The following PLAGL1 variants were observed in gnomAD, a reference collection of about 807,000 sequenced individuals.
PLAGL1 encodes PLAG1 like zinc finger 1.
Under a neutral mutation model 4.6 loss-of-function variants are expected in PLAGL1, and 1 was observed. That is an observed-to-expected ratio of 0.22 (90% CI 0.08 to 1.03). PLAGL1 has a LOEUF of 1.03. Among genes scored for constraint, PLAGL1 ranks in the 50% least tolerant of loss-of-function variants. The pLI, the probability that PLAGL1 is intolerant of heterozygous loss-of-function variation, is 0.58. For synonymous variants in PLAGL1, 240 were observed against 237.8 expected, an observed-to-expected ratio of 1.01 and a Z score of -0.08; for missense variants, 464 against 570.4, an observed-to-expected ratio of 0.81 and a Z score of 1.90.
chr6:144,031,306 C>T (rs2180243), intron 1 of PLAGL1, among the ~76,000 whole-genome samples: 134,095 of 152,294 alleles, frequency 0.88, 59,168 homozygotes, highest in Non-Finnish European at 0.91. Context: ...GGTTGTCTGT[C>T]AACTCTGCTA....
chr6:144,044,241 G>T (rs1797956487), intron 1 of PLAGL1, among the ~76,000 whole-genome samples: 1 of 151,984 alleles, frequency 6.6e-6, no homozygotes, highest in Admixed American at 6.6e-5. Flanking sequence ...GTTTGCTCTT[G>T]CTTCTCTAAT....
At chr6:144,031,862 G>C (rs1451144894) in intron 1 of PLAGL1, among the ~76,000 whole-genome samples, 1 of 151,990 alleles carries the variant, frequency 6.6e-6, no homozygotes, top group Non-Finnish European at 1.5e-5. Context: ...TGAATTTTAG[G>C]ATTGTTTTTT....
chr6:143,957,627 G>A lies in PLAGL1; in HGVS notation c.-325+2842C>T, dbSNP rs1782431921. 6.6e-6 allele frequency among the ~76,000 whole-genome samples: 1 copy of A among 152,176 alleles called. No individual in the cohort carries two copies. The highest frequency in any genetic ancestry group is 2.4e-5 in the African/African-American group (1 of 41,434). On this transcript the variant is annotated intron_variant, in intron 6 of 7. Coordinates refer to ENST00000674357, the MANE Select transcript of PLAGL1 (RefSeq NM_001317162.2). The surrounding 1 kb of genome is among the most constrained non-coding windows in gnomAD (Gnocchi z 4.2). ...GAAAGAAAAGCCTCTTTCTTTCTCA[G>A]GAAGTGTGTGAGGATATAGGCTCAC... is the stretch of plus-strand genomic sequence containing the variant.
In PLAGL1 at chr6:144,034,234, G is replaced by C. The variant is rs1338558151; in HGVS notation, c.-151+30234C>G. ...CCCTCCTGGGGTGCCTCATTCCAGG[G>C]CTCTTCCATCTTTCTCTAGCTGCCA... On this transcript the variant is annotated intron_variant, in intron 1 of 3. Transcript: ENST00000437412. The surrounding 1 kb of genome is among the most constrained non-coding windows in gnomAD (Gnocchi z 4.7). 6.6e-6 allele frequency among the ~76,000 whole-genome samples: 1 copy of C among 152,060 alleles called. No individual in the cohort carries two copies. The highest frequency in any genetic ancestry group is 1.5e-5 in the Non-Finnish European group (1 of 68,000).
intron 2 of PLAGL1, among the ~76,000 whole-genome samples, chr6:143,980,051 T>C (rs1787569180): frequency 6.6e-6 from 1 of 152,126 alleles, no homozygotes; most frequent in East Asian, 1.9e-4. Flanking sequence ...TTCCACTGTC[T>C]TCTGGATTAC....
chr6:144,029,225 C>T (rs1467934649), intron 1 of PLAGL1, among the ~76,000 whole-genome samples: 1 of 152,102 alleles, frequency 6.6e-6, no homozygotes, highest in East Asian at 1.9e-4. Context: ...TATTTTAAAT[C>T]ATCTCCTGTG....
rs1035267178 is a variant in PLAGL1 at position 143,950,361 on chromosome 6, G to C, written c.-324-1901C>G. Among the ~76,000 whole-genome samples the C allele has an allele frequency of 6.6e-6, 1 of 152,070 alleles. No homozygotes were observed. The highest frequency in any genetic ancestry group is 1.5e-5 in the Non-Finnish European group (1 of 68,008). On this transcript the variant is annotated intron_variant, in intron 6 of 7. Transcript: ENST00000674357. This position sits in a 1 kb window ranked among gnomAD's most constrained non-coding sequence, Gnocchi z 6.3. ...TAGTTCATGCCTGAGGCCCTATCTT[G>C]AGGAATCCTCAACAGCCCTGGTCAC...
Position 144,036,875 on chromosome 6 carries a change from TG to T in PLAGL1, c.-151+27592del. On this transcript the variant is annotated intron_variant, in intron 1 of 3. Transcript: ENST00000437412. The surrounding 1 kb of genome is among the most constrained non-coding windows in gnomAD (Gnocchi z 5.1). ...AGGCCATCCCCTAATGGTTTGTTCT[TG>T]GTGTTGGACAAATCATAAAAGGACC... 3.4e-6 allele frequency: 1 copy of T among 293,934 alleles called. No individual in the cohort carries two copies. The allele number at this position is 293,934 out of a possible 1,614,324, so 18.2% of individuals were successfully genotyped here.
At chr6:144,008,434 G>A (rs1291280448), upstream of PLAGL1, 1 of 151,960 alleles carries the variant, frequency 6.6e-6, no homozygotes, top group Admixed American at 6.6e-5. This position sits in a 1 kb window ranked among gnomAD's most constrained non-coding sequence, Gnocchi z 6.9. Flanking sequence ...CCGCGAGGAG[G>A]GCGCTGGGGC....
rs78853009 is a variant in PLAGL1 at position 143,994,655 on chromosome 6, A to G, written c.-583-9481T>C. Reference sequence around the variant, plus strand: ...ACTGGAGCAGCTCATATTCGGTCCCAACATTTTATTCCTGCTTGCGTTTCT... The same window carrying G: ...ACTGGAGCAGCTCATATTCGGTCCCGACATTTTATTCCTGCTTGCGTTTCT... On this transcript the variant is annotated intron_variant, in intron 1 of 7. Transcript: ENST00000674357. This position sits in a 1 kb window ranked among gnomAD's most constrained non-coding sequence, Gnocchi z 4.3. 8.3e-3 allele frequency among the ~76,000 whole-genome samples: 1,259 copies of G among 152,352 alleles called. 7 individuals carry two copies. The highest frequency in any genetic ancestry group is 0.014 in the Non-Finnish European group (932 of 68,032).
At chr6:144,007,549 G>A (rs1451065077) in intron 1 of PLAGL1, 2 of 152,206 alleles carry the variant, frequency 1.3e-5, no homozygotes, top group Non-Finnish European at 2.9e-5. Context: ...CTGAAAGTTG[G>A]ATGCGGAGAC....
Position 144,004,014 on chromosome 6 carries a change from ATAAG to A in PLAGL1, c.-584+4072_-584+4075del, listed in dbSNP as rs1009511807. 1.3e-4 allele frequency among the ~76,000 whole-genome samples: 20 copies of A among 152,318 alleles called. No individual in the cohort carries two copies. Among genetic ancestry groups the A allele is most frequent in the African/African-American group, 4.6e-4 (19 of 41,572 alleles). ...CAAATGTTAATCGACAAGAAAATGA[ATAAG>A]TAAATTGCTCATATTATATATCCAC... On this transcript the variant is annotated intron_variant, in intron 1 of 7. Coordinates refer to ENST00000674357, the MANE Select transcript of PLAGL1 (RefSeq NM_001317162.2). The surrounding 1 kb of genome is among the most constrained non-coding windows in gnomAD (Gnocchi z 4.2).
intron 3 of PLAGL1, chr6:143,967,997 CAAAAAAAAA>C (rs60021436): frequency 1.1e-5 from 1 of 90,020 alleles, no homozygotes; most frequent in Non-Finnish European, 2.0e-5. Context: ...GGACATTTTG[CAAAAAAAAA>C]AAAAAAAAAA....
rs1429506124 is a variant in PLAGL1 at position 144,022,592 on chromosome 6, T to C, written c.-151+41876A>G. Among the ~76,000 whole-genome samples, 1 of 152,196 alleles carries C rather than the reference T, an allele frequency of 6.6e-6. No homozygotes were observed. The highest frequency in any genetic ancestry group is 1.5e-5 in the Non-Finnish European group (1 of 68,034). On this transcript the variant is annotated intron_variant, in intron 1 of 3. Coordinates refer to the PLAGL1 transcript ENST00000437412. The surrounding 1 kb of genome is among the most constrained non-coding windows in gnomAD (Gnocchi z 4.2). The stretch of plus-strand genomic sequence containing the variant: ...TGTGGGAGGGATCTGGTGCTGGTAA[T>C]TGAATCATGGGGACAGGTCTTTCCC...
In PLAGL1 at chr6:143,955,203, T is replaced by C. The variant is rs1184976646; in HGVS notation, c.-325+5266A>G. ...GATCAAGAAAGGTGTCACAGAGAAG[T>C]AAAAGTTGAAGCTAGCGTAGAAGTT... On this transcript the variant is annotated intron_variant, in intron 6 of 7. Transcript: ENST00000674357. The surrounding 1 kb of genome is among the most constrained non-coding windows in gnomAD (Gnocchi z 4.9). Among the ~76,000 whole-genome samples, 1 of 152,144 alleles carries C rather than the reference T, an allele frequency of 6.6e-6. No homozygotes were observed. The highest frequency in any genetic ancestry group is 1.5e-5 in the Non-Finnish European group (1 of 68,014).
intron 1 of PLAGL1, among the ~76,000 whole-genome samples, chr6:144,060,296 A>T (rs779635682): frequency 1.9e-4 from 29 of 152,066 alleles, no homozygotes; most frequent in South Asian, 8.3e-4. Context: ...CAATCTATCC[A>T]CCTTGGCCTC....
rs1408546199 is a variant in PLAGL1, at chr6:143,971,408, C to T, written c.-543-2430G>A. 1.3e-5 allele frequency among the ~76,000 whole-genome samples: 2 copies of T among 152,122 alleles called. No homozygotes were observed. Among genetic ancestry groups the T allele is most frequent in the African/African-American group, 2.4e-5 (1 of 41,434 alleles). On this transcript the variant is annotated intron_variant, in intron 2 of 7. Transcript: ENST00000674357. The surrounding 1 kb of genome is among the most constrained non-coding windows in gnomAD (Gnocchi z 4.7). ...TAACATGGAGAGTAAAGTATTAGCC[C>T]GTTCCTGTACTTGTCTGCTTACTTA...
rs1782433132 is a variant in PLAGL1 at position 143,957,633 on chromosome 6, G to A, written c.-325+2836C>T. Among the ~76,000 whole-genome samples the A allele has an allele frequency of 6.6e-6, 1 of 152,206 alleles. No homozygotes were observed. The highest frequency in any genetic ancestry group is 2.4e-5 in the African/African-American group (1 of 41,452). ...AAAGCCTCTTTCTTTCTCAGGAAGT[G>A]TGTGAGGATATAGGCTCACATTGAG... On this transcript the variant is annotated intron_variant, in intron 6 of 7. Coordinates refer to ENST00000674357, the MANE Select transcript of PLAGL1 (RefSeq NM_001317162.2). The surrounding 1 kb of genome is among the most constrained non-coding windows in gnomAD (Gnocchi z 4.2).
Position 144,056,653 on chromosome 6 carries a change from G to A in PLAGL1, c.-151+7815C>T, listed in dbSNP as rs1379793970. 3.3e-5 allele frequency among the ~76,000 whole-genome samples: 5 copies of A among 152,038 alleles called. No individual in the cohort carries two copies. In the East Asian group the frequency reaches 9.7e-4, roughly 29 times the overall value. ...CTCCATGTCCTTTCATGGCTTGATA[G>A]CTCTTTGTTTTTGTTTTTGTTTTTT... On this transcript the variant is annotated intron_variant, in intron 1 of 3. Transcript: ENST00000437412. The surrounding 1 kb of genome is among the most constrained non-coding windows in gnomAD (Gnocchi z 4.7).
Sources: gnomAD v4.1 joint callset for allele counts (sites outside exome capture counted in the v4.1 genomes callset) on GRCh38, gnomAD v4.1.1 for gene constraint, Gnocchi (gnomAD v3.1) non-coding constraint, MANE v1.5 for transcripts, NCBI Gene and HGNC (gene_info 2026-07-23, HGNC 2026-07-21) for gene names.